Variants in LCOR observed in about 807,000 individuals in gnomAD.
LCOR encodes the protein ligand dependent nuclear receptor corepressor.
Under a neutral mutation model 64.4 loss-of-function variants are expected in LCOR, and 14 were observed. The observed-to-expected ratio is 0.22, with a 90% CI of 0.14 to 0.34. The LOEUF (loss-of-function observed/expected upper bound fraction) is 0.34. LCOR is among the 10% of genes least tolerant of loss of function. The pLI is 1.00. For missense variants in LCOR, 1,686 were observed against 1,765.3 expected, an observed-to-expected ratio of 0.96 and a Z score of 0.80; for synonymous variants, 643 against 642.5, an observed-to-expected ratio of 1.00 and a Z score of -0.01.
chr10:96,887,387 C>A (rs1252508838), intron 2 of LCOR, among the ~76,000 whole-genome samples: 1 of 151,916 alleles, frequency 6.6e-6, no homozygotes, highest in African/African-American at 2.4e-5. Flanking sequence ...CATGGTGAAA[C>A]CCCGTCTCTA....
At chr10:96,914,112 A>G (rs1440546662) in intron 4 of LCOR, among the ~76,000 whole-genome samples, 1 of 152,174 alleles carries the variant, frequency 6.6e-6, no homozygotes, top group African/African-American at 2.4e-5. Flanking sequence ...TTGTATCAGC[A>G]TATTTTGCTG....
Position 96,953,895 on chromosome 10 carries a change from T to G in LCOR, c.332+1699T>G, listed in dbSNP as rs550858510. On this transcript the variant is annotated intron_variant, in intron 7 of 7. Coordinates refer to ENST00000421806, the MANE Select transcript of LCOR (RefSeq NM_001346516.2). ...TTTCTGCAAAGCCCTATTTTGTGCC[T>G]AATTAATGTAATCATCCCCTTGGGC... is the stretch of plus-strand genomic sequence containing the variant. Among the ~76,000 whole-genome samples the G allele has an allele frequency of 5.9e-5, 9 of 152,362 alleles. No homozygotes were observed. In the East Asian group the frequency reaches 1.5e-3, roughly 26 times the overall value.
chr10:96,967,702 A>G (rs1013477692), intron 7 of LCOR, among the ~76,000 whole-genome samples: 2 of 152,088 alleles, frequency 1.3e-5, no homozygotes, highest in Non-Finnish European at 2.9e-5. Context: ...GCATTGAAAC[A>G]TTTTCTAAAG....
chr10:96,913,317 G>T (rs1474387146), intron 4 of LCOR, among the ~76,000 whole-genome samples: 31 of 152,084 alleles, frequency 2.0e-4, no homozygotes, highest in African/African-American at 2.4e-5. Context: ...GAGATTTTTT[G>T]ATTACAGATA....
chr10:96,868,913 G>C (rs1413769798), intron 2 of LCOR, among the ~76,000 whole-genome samples: 4 of 151,968 alleles, frequency 2.6e-5, no homozygotes, highest in Non-Finnish European at 5.9e-5. Context: ...GGTTTTTGTT[G>C]TTGTTGTTTT....
At chr10:96,866,077 T>C (rs1329312353) in intron 2 of LCOR, among the ~76,000 whole-genome samples, 1 of 152,176 alleles carries the variant, frequency 6.6e-6, no homozygotes, top group Non-Finnish European at 1.5e-5. Context: ...TTAAACCTAA[T>C]GTTTGTATGT....
chr10:96,838,060 A>G (rs927571611), intron 2 of LCOR, among the ~76,000 whole-genome samples: 19 of 152,312 alleles, frequency 1.2e-4, no homozygotes, highest in South Asian at 4.1e-4. Context: ...TTACTATTCT[A>G]TACACTTGCA....
At chr10:96,892,297 T>A (rs1037494538) in intron 2 of LCOR, among the ~76,000 whole-genome samples, 1 of 152,216 alleles carries the variant, frequency 6.6e-6, no homozygotes, top group Non-Finnish European at 1.5e-5. Flanking sequence ...ATGTTTTTAA[T>A]TCTTAAATGT....
At chr10:96,921,296 T>C (rs1198802425) in intron 4 of LCOR, among the ~76,000 whole-genome samples, 2 of 152,188 alleles carry the variant, frequency 1.3e-5, no homozygotes, top group African/African-American at 4.8e-5. Context: ...CTTTTGGAGT[T>C]GTATACAGAA....
At chr10:96,868,188 A>G (rs1186665775) in intron 2 of LCOR, among the ~76,000 whole-genome samples, 2 of 151,190 alleles carry the variant, frequency 1.3e-5, no homozygotes, top group East Asian at 3.9e-4. Context: ...CGGGCCGAAT[A>G]TATCAATTTA....
At chr10:96,948,569 A>G (rs1371960432) in intron 5 of LCOR, among the ~76,000 whole-genome samples, 1 of 152,250 alleles carries the variant, frequency 6.6e-6, no homozygotes, top group African/African-American at 2.4e-5. Flanking sequence ...TGTCTTTAAT[A>G]TAAAGTAAAT....
At chr10:96,901,285 C>G (rs1431828543) in intron 2 of LCOR, among the ~76,000 whole-genome samples, 3 of 152,204 alleles carry the variant, frequency 2.0e-5, no homozygotes, top group Non-Finnish European at 4.4e-5. Flanking sequence ...TCCCAAGTAA[C>G]TGGGACTGCA....
intron 2 of LCOR, among the ~76,000 whole-genome samples, chr10:96,905,414 T>G (rs968585708): frequency 1.1e-4 from 16 of 152,182 alleles, no homozygotes; most frequent in Non-Finnish European, 2.4e-4. Flanking sequence ...TGAAATACTT[T>G]ATTATTTGTG....
intron 7 of LCOR, chr10:96,958,643 A>G: frequency 1.8e-6 from 1 of 569,900 alleles, no homozygotes; most frequent in East Asian, 2.8e-5. Context: ...CATGTCTGTG[A>G]AGCTTTTAAA....
At chr10:96,955,341 G>A (rs1428988389) in intron 7 of LCOR, 1 of 1,613,762 alleles carries the variant, frequency 6.2e-7, no homozygotes, top group Non-Finnish European at 8.5e-7. Flanking sequence ...AAAACAAGAT[G>A]GAAAAAAGGA....
In LCOR at chr10:96,957,952, T is replaced by C. The variant is rs78644479; in HGVS notation, c.332+5756T>C. The C allele has an allele frequency of 9.3e-4, 914 of 987,090 alleles. 15 individuals carry two copies. The East Asian group carries it at 0.05, about 54-fold the overall frequency. 61.1% of individuals were successfully genotyped at this position (987,090 alleles called of 1,614,324 possible). ...TATGATTCTACAATATTTTGTCACC[T>C]AGCTGGAAGTTGCAATAAAAATTCC... On this transcript the variant is annotated intron_variant, in intron 7 of 7. Transcript: ENST00000421806.
At chr10:96,845,296 G>T (rs1210190344) in intron 2 of LCOR, among the ~76,000 whole-genome samples, 1 of 151,844 alleles carries the variant, frequency 6.6e-6, no homozygotes, top group Non-Finnish European at 1.5e-5. Flanking sequence ...TGAGGGGAAC[G>T]TCGGTGTTTA....
intron 2 of LCOR, among the ~76,000 whole-genome samples, chr10:96,861,260 G>A (rs1845882614): frequency 6.6e-6 from 1 of 152,078 alleles, no homozygotes; most frequent in African/African-American, 2.4e-5. Context: ...TTCCCTTCCA[G>A]CCCCACTAAA....
intron 4 of LCOR, among the ~76,000 whole-genome samples, chr10:96,940,116 GTA>G (rs1286975059): frequency 6.6e-6 from 1 of 152,040 alleles, no homozygotes; most frequent in African/African-American, 2.4e-5. Context: ...ACTAAAATGG[GTA>G]TAATAAAAAA....
Sources: allele counts gnomAD v4.1 joint callset (sites outside exome capture counted in the v4.1 genomes callset), GRCh38; gene constraint gnomAD v4.1.1; transcripts MANE v1.5; gene names NCBI Gene and HGNC (gene_info 2026-07-23, HGNC 2026-07-21).